The following LRRTM4 variants were observed in gnomAD, a reference collection of about 807,000 sequenced individuals.
LRRTM4 encodes the protein leucine-rich repeat transmembrane neuronal protein 4.
A neutral mutation model predicts 47.6 loss-of-function variants in LRRTM4; 25 were observed. That is an observed-to-expected ratio of 0.53 (90% CI 0.38 to 0.73). The LOEUF (loss-of-function observed/expected upper bound fraction) is 0.73, where lower values mean the gene tolerates loss of function less well. Ranked by LOEUF, LRRTM4 falls within the 30% of genes least tolerant of loss-of-function variation. The pLI is 0.00. For missense variants in LRRTM4, 638 were observed against 713.4 expected (o/e 0.89, Z 1.20); for synonymous variants, 311 against 269.5 (o/e 1.15, Z -1.51).
intron 3 of LRRTM4, among the ~76,000 whole-genome samples, chr2:77,216,938 T>G (rs1674460228): frequency 6.6e-6 from 1 of 151,812 alleles, no homozygotes; most frequent in Non-Finnish European, 1.5e-5. Flanking sequence ...CCGGGCGTGG[T>G]GGAGGGCACC....
intron 3 of LRRTM4, among the ~76,000 whole-genome samples, chr2:77,244,883 G>A (rs1675388268): frequency 6.6e-6 from 1 of 152,018 alleles, no homozygotes; most frequent in Non-Finnish European, 1.5e-5. Flanking sequence ...ACAAATCCTG[G>A]CAACATCCGT....
intron 3 of LRRTM4, among the ~76,000 whole-genome samples, chr2:77,348,725 T>A (rs1053983431): frequency 2.0e-5 from 3 of 150,750 alleles, no homozygotes; most frequent in Admixed American, 6.6e-5. Context: ...AAATAAATTA[T>A]AACCACCTCT....
intron 3 of LRRTM4, among the ~76,000 whole-genome samples, chr2:77,010,061 T>C (rs57522758): frequency 0.16 from 23,599 of 151,926 alleles, 5,001 homozygotes; most frequent in African/African-American, 0.48. Flanking sequence ...GATATTTTGA[T>C]ATATGTATAT....
intron 3 of LRRTM4, among the ~76,000 whole-genome samples, chr2:76,879,573 T>C (rs1218137374): frequency 6.6e-6 from 1 of 152,226 alleles, no homozygotes; most frequent in African/African-American, 2.4e-5. Flanking sequence ...CCATGAGCTC[T>C]TATGGAGATA....
intron 3 of LRRTM4, among the ~76,000 whole-genome samples, chr2:76,824,353 T>C (rs930148827): frequency 7.3e-5 from 11 of 151,626 alleles, no homozygotes; most frequent in Admixed American, 3.3e-4. Flanking sequence ...AATTTTTAAC[T>C]TGTGTTTGTA....
chr2:77,076,174 A>G (rs899731305), intron 3 of LRRTM4, among the ~76,000 whole-genome samples: 17 of 152,106 alleles, frequency 1.1e-4, no homozygotes, highest in African/African-American at 4.1e-4. Context: ...AAGCCCATCT[A>G]ACATAAATGG....
At chr2:76,843,806 T>C (rs1671757491) in intron 3 of LRRTM4, among the ~76,000 whole-genome samples, 2 of 152,198 alleles carry the variant, frequency 1.3e-5, no homozygotes, top group Non-Finnish European at 2.9e-5. Flanking sequence ...ATATGTATCT[T>C]CAAAATTTCT....
intron 3 of LRRTM4, among the ~76,000 whole-genome samples, chr2:77,016,383 T>TTA (rs749278110): frequency 7.5e-6 from 1 of 133,440 alleles, no homozygotes; most frequent in Non-Finnish European, 1.6e-5. Context: ...GAACTCCATT[T>TTA]AAAAAAAAAA....
At chr2:77,264,415 C>A (rs79960038) in intron 3 of LRRTM4, among the ~76,000 whole-genome samples, 4,191 of 152,094 alleles carry the variant, frequency 0.028, 85 homozygotes, top group South Asian at 0.061. Flanking sequence ...CAGATCCATA[C>A]CCCATCCTTA....
At chr2:77,422,177 G>T (rs552068230) in intron 3 of LRRTM4, among the ~76,000 whole-genome samples, 7 of 152,182 alleles carry the variant, frequency 4.6e-5, no homozygotes, top group Admixed American at 2.0e-4. Context: ...TCATTGTTAC[G>T]CAATGCGTGA....
chr2:77,284,682 G>A (rs1018740485), intron 3 of LRRTM4, among the ~76,000 whole-genome samples: 5 of 152,068 alleles, frequency 3.3e-5, no homozygotes, highest in African/African-American at 7.2e-5. Context: ...AGTTAAAAAC[G>A]TAATTTATTT....
intron 3 of LRRTM4, among the ~76,000 whole-genome samples, chr2:76,965,027 A>C (rs1675978948): frequency 6.6e-6 from 1 of 151,236 alleles, no homozygotes; most frequent in East Asian, 2.0e-4. Flanking sequence ...TCTATTAATG[A>C]AATTGAATAA....
At chr2:76,792,730 A>C (rs573881656) in intron 3 of LRRTM4, among the ~76,000 whole-genome samples, 1 of 151,800 alleles carries the variant, frequency 6.6e-6, no homozygotes, top group African/African-American at 2.4e-5. Context: ...ACTTCAGTAC[A>C]TTTTTCCTGT....
chr2:76,852,643 T>C (rs1266576451), intron 3 of LRRTM4, among the ~76,000 whole-genome samples: 1 of 152,192 alleles, frequency 6.6e-6, no homozygotes, highest in Non-Finnish European at 1.5e-5. Context: ...AATTATTTAT[T>C]AATCTGTTCA....
chr2:77,480,836 A>T (rs62162642), intron 3 of LRRTM4, among the ~76,000 whole-genome samples: 9,802 of 53,506 alleles, frequency 0.18, 345 homozygotes, highest in Non-Finnish European at 0.22. Context: ...AGAGAGAGAG[A>T]GAGAGAGAGA....
chr2:76,934,523 T>C (rs530919751), intron 3 of LRRTM4, among the ~76,000 whole-genome samples: 2 of 152,302 alleles, frequency 1.3e-5, no homozygotes, highest in South Asian at 4.1e-4. Flanking sequence ...CTGGTAAATG[T>C]GTAACAACCA....
intron 3 of LRRTM4, among the ~76,000 whole-genome samples, chr2:76,780,340 A>G (rs982083442): frequency 2.0e-5 from 3 of 152,064 alleles, no homozygotes; most frequent in South Asian, 2.1e-4. Flanking sequence ...CTCCTGGATA[A>G]TCTCCTGCAG....
chr2:76,857,025 T>C (rs1157183380), intron 3 of LRRTM4, among the ~76,000 whole-genome samples: 1 of 152,014 alleles, frequency 6.6e-6, no homozygotes, highest in Non-Finnish European at 1.5e-5. Flanking sequence ...AATATTTTCA[T>C]TATTTTTTAA....
At chr2:77,297,078 C>G (rs1457189459) in intron 3 of LRRTM4, among the ~76,000 whole-genome samples, 1 of 151,956 alleles carries the variant, frequency 6.6e-6, no homozygotes, top group African/African-American at 2.4e-5. Context: ...GTTTTCTTGT[C>G]TGTTTCTTTT....
Sources: allele counts gnomAD v4.1 joint callset (sites outside exome capture counted in the v4.1 genomes callset), GRCh38; gene constraint gnomAD v4.1.1; transcripts MANE v1.5; gene names NCBI Gene and HGNC (gene_info 2026-07-23, HGNC 2026-07-21).